The following TM4SF4 variants were observed in gnomAD, a reference collection of about 807,000 sequenced individuals.
TM4SF4 encodes transmembrane 4 L6 family member 4.
In TM4SF4, 24 loss-of-function variants were observed where a neutral mutation model predicts 24.1. That is an observed-to-expected ratio of 1.00 (90% CI 0.72 to 1.40). The LOEUF is 1.40. Among genes scored for constraint, TM4SF4 ranks in the 40% most tolerant of loss-of-function variants. The pLI, the probability that TM4SF4 is intolerant of heterozygous loss-of-function variation, is 0.00. For synonymous variants in TM4SF4, 113 were observed against 97.0 expected (o/e 1.17, Z -0.97); for missense variants, 254 against 254.2 (o/e 1.00, Z 0.01).
intron 2 of TM4SF4, among the ~76,000 whole-genome samples, chr3:149,487,342 T>A (rs80159148): frequency 0.032 from 4,824 of 152,246 alleles, 88 homozygotes; most frequent in Middle Eastern, 0.065. Context: ...AGAGTTTATC[T>A]TTAACAAGGT....
chr3:149,485,449 C>A (rs1284999489), intron 2 of TM4SF4, among the ~76,000 whole-genome samples: 7 of 152,126 alleles, frequency 4.6e-5, no homozygotes, highest in Non-Finnish European at 8.8e-5. Flanking sequence ...AAAATCTAAA[C>A]AATTAGTAAT....
intron 1 of TM4SF4, 22 bp from the exon 2 acceptor site, chr3:149,475,801 G>A: frequency 1.3e-6 from 2 of 1,591,808 alleles, no homozygotes; most frequent in Non-Finnish European, 1.7e-6. Context: ...GACTCTCTCT[G>A]AGGTGCCTCT....
chr3:149,475,407 C>T (rs1398184302), intron 1 of TM4SF4, among the ~76,000 whole-genome samples: 2 of 152,128 alleles, frequency 1.3e-5, no homozygotes, highest in African/African-American at 2.4e-5. Flanking sequence ...AGCAAATTGA[C>T]TTAAAACCAC....
chr3:149,480,048 C>G (rs1343990444), intron 2 of TM4SF4, among the ~76,000 whole-genome samples: 1 of 152,178 alleles, frequency 6.6e-6, no homozygotes, highest in African/African-American at 2.4e-5. Flanking sequence ...CAGAGCAAGA[C>G]TGAAGCTGAG....
At chr3:149,501,348 A>G (rs917951628) in intron 4 of TM4SF4, among the ~76,000 whole-genome samples, 8 of 151,778 alleles carry the variant, frequency 5.3e-5, no homozygotes, top group Admixed American at 4.6e-4. Context: ...CCCTCCCTTC[A>G]TCTCTCCTCT....
intron 1 of TM4SF4, 148 bp from the exon 2 acceptor site, chr3:149,475,664 ATAACACTCCAT>A: frequency 1.6e-6 from 1 of 626,202 alleles, no homozygotes; most frequent in Non-Finnish European, 2.9e-6. Context: ...TAAGTACTCC[ATAACACTCCAT>A]TACCCCTCCA....
chr3:149,489,688 AG>A (rs1734178962), intron 3 of TM4SF4, among the ~76,000 whole-genome samples: 1 of 152,216 alleles, frequency 6.6e-6, no homozygotes, highest in Non-Finnish European at 1.5e-5. Context: ...GTACTTCTGG[AG>A]AAGCAAGTTT....
rs1733905278 is a variant in TM4SF4, at chr3:149,475,150, T to TA, written c.174+101dup. ...ATTGAACAGGGAGATATTTAGTTGG[T>TA]AATAGAAGCTCAAGCATTGCATGGT... On this transcript the variant is annotated intron_variant, in intron 1 of 4. Coordinates refer to ENST00000305354, the MANE Select transcript of TM4SF4 (RefSeq NM_004617.4). The TA allele has an allele frequency of 7.6e-6, 10 of 1,307,336 alleles. 1 individual carries two copies. Among genetic ancestry groups the TA allele is most frequent in the Non-Finnish European group, 9.3e-6 (9 of 963,196 alleles). The allele number at this position is 1,307,336 out of a possible 1,614,324, so 81.0% of individuals were successfully genotyped here. A position where few individuals can be genotyped will look rare whatever the true frequency, so the allele number is the denominator to read the frequency against.
chr3:149,487,955 C>G (rs1240047168), intron 3 of TM4SF4, among the ~76,000 whole-genome samples, 200 bp downstream of exon 3: 1 of 152,114 alleles, frequency 6.6e-6, no homozygotes, highest in African/African-American at 2.4e-5. Context: ...TTTGACAGAC[C>G]CCAGGAGAAA....
chr3:149,493,845 T>C (rs1405581682), intron 3 of TM4SF4, among the ~76,000 whole-genome samples: 1 of 152,144 alleles, frequency 6.6e-6, no homozygotes, highest in African/African-American at 2.4e-5. Context: ...GGCAGAAGCA[T>C]TGTGGAGCTT....
chr3:149,497,426 G>A (rs1734329471), intron 3 of TM4SF4, among the ~76,000 whole-genome samples: 1 of 152,154 alleles, frequency 6.6e-6, no homozygotes, highest in Non-Finnish European at 1.5e-5. Context: ...CCTTTTCTGT[G>A]AAGGTTATCA....
chr3:149,478,248 C>T lies in TM4SF4; in HGVS notation c.264+2336C>T, dbSNP rs542639862. ...GCAACCTCTGCCTCTTGGGTTCAAG[C>T]GATTCTCCTGCCTCAGCCTCCCAAG... On this transcript the variant is annotated intron_variant, in intron 2 of 4. Coordinates refer to ENST00000305354, the MANE Select transcript of TM4SF4 (RefSeq NM_004617.4). Among the ~76,000 whole-genome samples the T allele has an allele frequency of 7.2e-5, 11 of 152,256 alleles. No homozygotes were observed. In the East Asian group the frequency reaches 1.7e-3, roughly 24 times the overall value.
chr3:149,486,535 A>AT (rs1411729447), intron 2 of TM4SF4, among the ~76,000 whole-genome samples: 1 of 152,060 alleles, frequency 6.6e-6, no homozygotes, highest in Non-Finnish European at 1.5e-5. Flanking sequence ...CTGGGCCTAC[A>AT]TTTTTTCATC....
rs776335201 is a variant in TM4SF4 at position 149,475,022 on chromosome 3, T to C, written c.145T>C (p.Phe49Leu). 2.5e-6 allele frequency: 4 copies of C among 1,613,540 alleles called. No individual in the cohort carries two copies. In the Admixed American group the frequency reaches 6.7e-5, roughly 27 times the overall value. The change falls in exon 1 of 5, where the codon TTC becomes CTC. Residue 49 changes from phenylalanine (F) to leucine (L), a missense_variant. Phe to Leu is a conservative substitution (Grantham distance 22, BLOSUM62 0). Coordinates refer to ENST00000305354, the MANE Select transcript of TM4SF4 (RefSeq NM_004617.4). ...CCACCTTTCCCAAGAGATCTGGTTT[T>C]TCGGAGGAATATTAGGAAGCGGTGT... is the stretch of plus-strand genomic sequence containing the variant. ...NDHLSQEIWF[F>L]GGILGSGVLM...
intron 4 of TM4SF4, among the ~76,000 whole-genome samples, chr3:149,499,580 A>G (rs1734378310): frequency 1.3e-5 from 2 of 152,240 alleles, no homozygotes. Flanking sequence ...TATTACAAGC[A>G]CAGATTGATG....
At chr3:149,502,420 T>A (rs1734447026) in intron 4 of TM4SF4, among the ~76,000 whole-genome samples, 1 of 152,020 alleles carries the variant, frequency 6.6e-6, no homozygotes, top group African/African-American at 2.4e-5. Context: ...AATAAATAAA[T>A]AAAATGTAAC....
At chr3:149,490,199 C>A (rs1486369213) in intron 3 of TM4SF4, among the ~76,000 whole-genome samples, 2 of 152,180 alleles carry the variant, frequency 1.3e-5, no homozygotes, top group Non-Finnish European at 2.9e-5. Flanking sequence ...ACCCTCTTTG[C>A]CATCTGGCAA....
chr3:149,479,023 T>C (rs899947581), intron 2 of TM4SF4, among the ~76,000 whole-genome samples: 1 of 152,216 alleles, frequency 6.6e-6, no homozygotes, highest in Non-Finnish European at 1.5e-5. Context: ...TGCCTTAACC[T>C]CCCAAAGTGC....
chr3:149,483,726 T>G lies in TM4SF4; in HGVS notation c.265-3893T>G, dbSNP rs575654611. ...TAAACATATTTTAAATCATGTTATA[T>G]AAAATATGAAATAATTTTAATATAT... On this transcript the variant is annotated intron_variant, in intron 2 of 4. Coordinates refer to ENST00000305354, the MANE Select transcript of TM4SF4 (RefSeq NM_004617.4). Among the ~76,000 whole-genome samples, 60 of 152,338 alleles carry G rather than the reference T, an allele frequency of 3.9e-4. 1 individual carries two copies. The highest frequency in any genetic ancestry group is 3.9e-3 in the Admixed American group (59 of 15,302).
Sources: allele counts gnomAD v4.1 joint callset (sites outside exome capture counted in the v4.1 genomes callset), GRCh38; gene constraint gnomAD v4.1.1; transcripts MANE v1.5; gene names NCBI Gene and HGNC (gene_info 2026-07-23, HGNC 2026-07-21).